OSBPL5: variants seen among roughly 807,000 people sequenced by gnomAD.
OSBPL5 encodes oxysterol binding protein like 5, also known as oxysterol-binding protein-related protein 5.
OSBPL5 carries 71 observed loss-of-function variants against 111.2 expected under a neutral mutation model. The ratio of observed to expected loss-of-function variants is 0.64; its 90% CI spans 0.53 to 0.78. OSBPL5 has a LOEUF of 0.78. Among genes scored for constraint, OSBPL5 ranks in the 30% least tolerant of loss-of-function variants. The probability of loss-of-function intolerance (pLI) is 0.00; values close to 1 mark genes in which losing one functional copy is unlikely to be tolerated. For synonymous variants in OSBPL5, 549 were observed against 513.9 expected (o/e 1.07, Z -0.93); for missense variants, 1,210 against 1,189.3 (o/e 1.02, Z -0.26).
At position 3,107,167 on chromosome 11, in the gene OSBPL5, G is replaced by A. The variant is rs1450723863; in HGVS notation, c.1059+96C>T. On this transcript the variant is annotated intron_variant, in intron 9 of 21. Coordinates refer to ENST00000263650, the MANE Select transcript of OSBPL5 (RefSeq NM_020896.4). This position sits in a 1 kb window ranked among gnomAD's most constrained non-coding sequence, Gnocchi z 6.1. ...ACAAAAGCTACCCCCTGGGCCCTGCGTGCTCCCCCTAGGATGAGGCATGGC... is the reference window on the plus strand; with the variant it reads ...ACAAAAGCTACCCCCTGGGCCCTGCATGCTCCCCCTAGGATGAGGCATGGC... 9 of 1,402,262 alleles carry A rather than the reference G, an allele frequency of 6.4e-6. No individual in the cohort carries two copies. Among genetic ancestry groups the A allele is most frequent in the East Asian group, 4.6e-5 (2 of 43,152 alleles). 86.9% of individuals were successfully genotyped at this position (1,402,262 alleles called of 1,614,324 possible).
At chr11:3,147,910 C>G (rs1323518914) in intron 1 of OSBPL5, among the ~76,000 whole-genome samples, 2 of 152,154 alleles carry the variant, frequency 1.3e-5, no homozygotes, top group Non-Finnish European at 2.9e-5. Context: ...GACTGAACGC[C>G]CACCATGGCC....
chr11:3,145,635 G>C (rs952624252), intron 1 of OSBPL5, among the ~76,000 whole-genome samples: 2 of 152,208 alleles, frequency 1.3e-5, no homozygotes, highest in Non-Finnish European at 2.9e-5. Context: ...AGGGGTCTGC[G>C]CTGGGGGCTG....
intron 7 of OSBPL5, among the ~76,000 whole-genome samples, chr11:3,112,980 T>A (rs954108358): frequency 6.6e-6 from 1 of 152,244 alleles, no homozygotes; most frequent in Non-Finnish European, 1.5e-5. Flanking sequence ...TATAAACCTA[T>A]GAGATGTACT....
Position 3,088,225 on chromosome 11 carries a change from T to C in OSBPL5, c.2620A>G (p.Ile874Val). Residue 874 changes from isoleucine to valine, a missense_variant, in exon 22 of 22, where the codon ATT becomes GTT. Physicochemically the swap from Ile to Val is conservative, Grantham distance 29. Transcript: ENST00000263650. ...LCVFLACQLF[I>V]NHILK ...GGCTCCTATTTGAGGATGTGGTTAA[T>C]GAACAGCTGACACGCCAGGAACACG... 6.2e-7 allele frequency: 1 copy of C among 1,600,306 alleles called. No individual in the cohort carries two copies.
chr11:3,127,777 C>T (rs912179459), intron 2 of OSBPL5, among the ~76,000 whole-genome samples: 1 of 151,922 alleles, frequency 6.6e-6, no homozygotes, highest in African/African-American at 2.4e-5. Flanking sequence ...GGATAGGGTG[C>T]AGGTGCCCTG....
At position 3,130,295 on chromosome 11, in the gene OSBPL5, C is replaced by G. The variant is rs1365679844; in HGVS notation, c.-21-1126G>C. Among the ~76,000 whole-genome samples, 1 of 152,272 alleles carries G rather than the reference C, an allele frequency of 6.6e-6. No homozygotes were observed. The highest frequency in any genetic ancestry group is 1.9e-4 in the East Asian group (1 of 5,204). On this transcript the variant is annotated intron_variant, in intron 1 of 21. Coordinates refer to ENST00000263650, the MANE Select transcript of OSBPL5 (RefSeq NM_020896.4). This position sits in a 1 kb window ranked among gnomAD's most constrained non-coding sequence, Gnocchi z 4.5. ...TCCTTAAAAACTACTGGTCAATTTTCCTCCTTTCCCAATTTTCTGGGGCTG... is the reference window on the plus strand; with the variant it reads ...TCCTTAAAAACTACTGGTCAATTTTGCTCCTTTCCCAATTTTCTGGGGCTG...
Position 3,122,427 on chromosome 11 carries a change from G to C in OSBPL5, c.221C>G (p.Ala74Gly). The C allele has an allele frequency of 6.2e-7, 1 of 1,613,478 alleles. No homozygotes were observed. The change falls in exon 4 of 22, where the codon GCA becomes GGA. Residue 74 changes from alanine to glycine, a missense_variant and splice_region_variant. Physicochemically the swap from Ala to Gly is moderately conservative, Grantham distance 60. Coordinates refer to ENST00000263650, the MANE Select transcript of OSBPL5 (RefSeq NM_020896.4). ...TPSSATKVPPAEYRLCNGSDK... is the reference protein window; with the variant it reads ...TPSSATKVPPGEYRLCNGSDK... ...TGACCCGTTGCACAGCCTGTACTCT[G>C]CCTGAAAGAGAGAGGTGGGTATGCG...
Position 3,107,556 on chromosome 11 carries a change from C to G in OSBPL5, c.867-101G>C. ...CGCTGCTCCGCACTTCACATACGTT[C>G]CTGCCTGTCGTCACCTCCACAACCC... On this transcript the variant is annotated intron_variant, in intron 8 of 21. Transcript: ENST00000263650. This position sits in a 1 kb window ranked among gnomAD's most constrained non-coding sequence, Gnocchi z 6.1. The G allele has an allele frequency of 7.0e-7, 1 of 1,431,090 alleles. No homozygotes were observed. Among genetic ancestry groups the G allele is most frequent in the Non-Finnish European group, 9.7e-7 (1 of 1,036,070 alleles). 88.6% of individuals were successfully genotyped at this position (1,431,090 alleles called of 1,614,324 possible).
At position 3,161,006 on chromosome 11, in the gene OSBPL5, T is replaced by TGAA. The variant is rs1259489924; in HGVS notation, c.-22+4207_-22+4209dup. ...CTCTGCCAGGTACGGCAGCGCTTAC[T>TGAA]GAAGGTTTGCCATCTCCCCTGGCCT... is the stretch of plus-strand genomic sequence containing the variant. On this transcript the variant is annotated intron_variant, in intron 1 of 21. Coordinates refer to ENST00000263650, the MANE Select transcript of OSBPL5 (RefSeq NM_020896.4). The surrounding 1 kb of genome is among the most constrained non-coding windows in gnomAD (Gnocchi z 8.0). The TGAA allele has an allele frequency of 6.6e-6, 1 of 152,000 alleles. No individual in the cohort carries two copies. Among genetic ancestry groups the TGAA allele is most frequent in the Non-Finnish European group, 1.5e-5 (1 of 68,008 alleles). The allele number at this position is 152,000 out of a possible 1,614,324, so 9.4% of individuals were successfully genotyped here.
At chr11:3,149,939 G>A (rs953677866) in intron 1 of OSBPL5, among the ~76,000 whole-genome samples, 4 of 152,092 alleles carry the variant, frequency 2.6e-5, no homozygotes, top group African/African-American at 9.7e-5. Flanking sequence ...ACACACACAC[G>A]GATGCATGGA....
chr11:3,143,556 G>A (rs923687336), intron 1 of OSBPL5, among the ~76,000 whole-genome samples: 9 of 152,326 alleles, frequency 5.9e-5, no homozygotes, highest in Admixed American at 4.6e-4. Context: ...CACATGCGAC[G>A]ACACGGATGA....
intron 15 of OSBPL5, 63 bp from the exon 16 acceptor site, chr11:3,093,898 C>T (rs1294648732): frequency 2.6e-6 from 4 of 1,533,896 alleles, no homozygotes; most frequent in African/African-American, 1.4e-5. Context: ...GAATCACATC[C>T]TCATGGGGGC....
chr11:3,153,103 C>T (rs58433356), intron 1 of OSBPL5, among the ~76,000 whole-genome samples: 17 of 152,128 alleles, frequency 1.1e-4, no homozygotes, highest in African/African-American at 3.9e-4. Flanking sequence ...GTCCCGGCTA[C>T]GAGGTGAGCT....
At position 3,110,219 on chromosome 11, in the gene OSBPL5, G is replaced by A. The variant is rs1359962630; in HGVS notation, c.692-2274C>T. On this transcript the variant is annotated intron_variant, in intron 7 of 21. Transcript: ENST00000263650. This position sits in a 1 kb window ranked among gnomAD's most constrained non-coding sequence, Gnocchi z 5.3. ...TTTAGGTCTGCACCACCGGCGGGATGGGAGCCCTTCACCCCACTGCTCTGG... is the reference window on the plus strand; with the variant it reads ...TTTAGGTCTGCACCACCGGCGGGATAGGAGCCCTTCACCCCACTGCTCTGG... 2.0e-4 allele frequency among the ~76,000 whole-genome samples: 30 copies of A among 152,198 alleles called. 1 individual carries two copies. The highest frequency in any genetic ancestry group is 2.0e-3 in the Admixed American group (30 of 15,284).
rs534099331 is a variant in OSBPL5, at chr11:3,113,847, A to G, written c.691+5700T>C. The stretch of plus-strand genomic sequence containing the variant: ...GTTCCTCCCAAAGTTAGTTTGACCT[A>G]TGCCCAGGAATGAACAAGGATAGCT... On this transcript the variant is annotated intron_variant, in intron 7 of 21. Coordinates refer to ENST00000263650, the MANE Select transcript of OSBPL5 (RefSeq NM_020896.4). The surrounding 1 kb of genome is among the most constrained non-coding windows in gnomAD (Gnocchi z 4.8). Among the ~76,000 whole-genome samples the G allele has an allele frequency of 6.6e-6, 1 of 152,326 alleles. No homozygotes were observed. Among genetic ancestry groups the G allele is most frequent in the African/African-American group, 2.4e-5 (1 of 41,574 alleles).
chr11:3,108,083 T>A, intron 7 of OSBPL5, 138 bp from the exon 8 acceptor site: 1 of 1,153,852 alleles, frequency 8.7e-7, no homozygotes, highest in Non-Finnish European at 1.2e-6. Flanking sequence ...CCCCTGGCCC[T>A]GCCCCAGCAG....
intron 1 of OSBPL5, among the ~76,000 whole-genome samples, chr11:3,136,748 C>T (rs1379647162): frequency 6.6e-6 from 1 of 152,224 alleles, no homozygotes; most frequent in East Asian, 1.9e-4. Context: ...TATGTGGCTT[C>T]CTCACCCACA....
At position 3,126,435 on chromosome 11, in the gene OSBPL5, G is replaced by C. The variant is rs761207092; in HGVS notation, c.219+38C>G. On this transcript the variant is annotated intron_variant, in intron 3 of 21. Transcript: ENST00000263650. The surrounding 1 kb of genome is among the most constrained non-coding windows in gnomAD (Gnocchi z 6.5). ...CGTTTCCTGCTGTCCCCAGAGCCAG[G>C]CTCTGGCTCATGGATCCTCCTATAC... The C allele has an allele frequency of 4.6e-6, 7 of 1,536,552 alleles. No individual in the cohort carries two copies. The highest frequency in any genetic ancestry group is 5.3e-6 in the Non-Finnish European group (6 of 1,135,532).
At chr11:3,157,839 C>T (rs1274421314) in intron 1 of OSBPL5, among the ~76,000 whole-genome samples, 2 of 152,234 alleles carry the variant, frequency 1.3e-5, no homozygotes, top group Admixed American at 6.5e-5. Context: ...CAGGAAAGAG[C>T]CACATAGCTG....
Sources: gnomAD v4.1 joint callset for allele counts (sites outside exome capture counted in the v4.1 genomes callset) on GRCh38, gnomAD v4.1.1 for gene constraint, Gnocchi (gnomAD v3.1) non-coding constraint, MANE v1.5 for transcripts, NCBI Gene and HGNC (gene_info 2026-07-23, HGNC 2026-07-21) for gene names.